Variants in PTPRK observed in about 807,000 individuals in gnomAD.
PTPRK encodes receptor-type tyrosine-protein phosphatase kappa.
A neutral mutation model predicts 178.0 loss-of-function variants in PTPRK; 75 were observed. That is an observed-to-expected ratio of 0.42 (90% CI 0.35 to 0.51). The LOEUF (loss-of-function observed/expected upper bound fraction) is 0.51, where lower values mean the gene tolerates loss of function less well. Among genes scored for constraint, PTPRK ranks in the 20% least tolerant of loss-of-function variants. The pLI, the probability that PTPRK is intolerant of heterozygous loss-of-function variation, is 0.02. For missense variants in PTPRK, 1,441 were observed against 1,797.8 expected, an observed-to-expected ratio of 0.80 and a Z score of 3.59; for synonymous variants, 637 against 620.6, an observed-to-expected ratio of 1.03 and a Z score of -0.39.
At chr6:128,337,108 A>G (rs1831037200) in intron 2 of PTPRK, among the ~76,000 whole-genome samples, 1 of 152,108 alleles carries the variant, frequency 6.6e-6, no homozygotes, top group Non-Finnish European at 1.5e-5. Flanking sequence ...TTTCTCCCCT[A>G]AGAACCTTTA....
intron 1 of PTPRK, among the ~76,000 whole-genome samples, chr6:128,407,326 T>G (rs1189017666): frequency 6.6e-6 from 1 of 152,126 alleles, no homozygotes; most frequent in Non-Finnish European, 1.5e-5. Context: ...ACTTGAAATA[T>G]TCTGATCTCA....
chr6:128,040,482 C>G (rs935873018), intron 13 of PTPRK, among the ~76,000 whole-genome samples: 1 of 151,906 alleles, frequency 6.6e-6, no homozygotes, highest in Non-Finnish European at 1.5e-5. Context: ...TTTCCTCAAA[C>G]AAAGGGCAAG....
intron 2 of PTPRK, among the ~76,000 whole-genome samples, chr6:128,374,224 C>T (rs1426818883): frequency 6.6e-6 from 1 of 152,150 alleles, no homozygotes; most frequent in Non-Finnish European, 1.5e-5. Context: ...TTCTCTAAAT[C>T]TTTGAACTCT....
At chr6:128,397,175 T>A (rs1840425424) in intron 2 of PTPRK, among the ~76,000 whole-genome samples, 1 of 152,160 alleles carries the variant, frequency 6.6e-6, no homozygotes, top group Admixed American at 6.5e-5. Flanking sequence ...TAAAATTCTT[T>A]CCCTTCAGTC....
intron 2 of PTPRK, among the ~76,000 whole-genome samples, chr6:128,335,441 CAAAAAAAAA>C (rs10585655): frequency 6.4e-5 from 7 of 109,796 alleles, no homozygotes; most frequent in Admixed American, 9.3e-5. Context: ...GGAATGATAA[CAAAAAAAAA>C]AAAAAAAAAT....
chr6:128,118,073 A>AC (rs1290031756), intron 7 of PTPRK, among the ~76,000 whole-genome samples: 2 of 152,156 alleles, frequency 1.3e-5, no homozygotes, highest in Non-Finnish European at 2.9e-5. Flanking sequence ...AACACAAGAA[A>AC]CCCACTCATC....
At chr6:128,255,731 G>C (rs1333079183) in intron 3 of PTPRK, among the ~76,000 whole-genome samples, 1 of 152,216 alleles carries the variant, frequency 6.6e-6, no homozygotes, top group African/African-American at 2.4e-5. Context: ...ACAACACCTG[G>C]AAACTTCTTG....
intron 13 of PTPRK, among the ~76,000 whole-genome samples, chr6:128,016,548 T>G (rs968424261): frequency 6.6e-6 from 1 of 151,948 alleles, no homozygotes; most frequent in Admixed American, 6.6e-5. Flanking sequence ...ATATTCAGTA[T>G]GCCAAGGTGC....
At chr6:128,043,107 T>C (rs1285534471) in intron 13 of PTPRK, among the ~76,000 whole-genome samples, 1 of 152,080 alleles carries the variant, frequency 6.6e-6, no homozygotes, top group Non-Finnish European at 1.5e-5. Flanking sequence ...GCATCCTCAG[T>C]TTGATGCTAT....
At chr6:128,264,077 G>A (rs1818585928) in intron 3 of PTPRK, among the ~76,000 whole-genome samples, 1 of 152,102 alleles carries the variant, frequency 6.6e-6, no homozygotes, top group Non-Finnish European at 1.5e-5. Flanking sequence ...GTGGAGATTG[G>A]CAGCAAAGCT....
At chr6:128,232,480 G>T (rs757963342) in intron 5 of PTPRK, among the ~76,000 whole-genome samples, 2 of 152,150 alleles carry the variant, frequency 1.3e-5, no homozygotes, top group Non-Finnish European at 2.9e-5. Flanking sequence ...TGGACTAATT[G>T]TAATTTTACT....
chr6:128,157,273 A>G (rs959483967), intron 7 of PTPRK, among the ~76,000 whole-genome samples: 2 of 152,016 alleles, frequency 1.3e-5, no homozygotes, highest in African/African-American at 4.8e-5. Context: ...TCCTTTTAAT[A>G]CTTGCTTCTA....
chr6:128,188,905 C>G (rs1803232253), intron 6 of PTPRK, among the ~76,000 whole-genome samples: 1 of 152,134 alleles, frequency 6.6e-6, no homozygotes, highest in Admixed American at 6.5e-5. Flanking sequence ...CTTGTGATTG[C>G]AGTTAGGCCC....
chr6:128,319,065 GA>G (rs1268339774), intron 3 of PTPRK, among the ~76,000 whole-genome samples: 1 of 152,132 alleles, frequency 6.6e-6, no homozygotes, highest in African/African-American at 2.4e-5. Context: ...TCACTGTAAT[GA>G]TATGTCAAAA....
At chr6:128,404,362 C>T (rs551838213) in intron 1 of PTPRK, among the ~76,000 whole-genome samples, 10 of 152,338 alleles carry the variant, frequency 6.6e-5, no homozygotes, top group African/African-American at 2.2e-4. Context: ...GTGGGAAATA[C>T]CTCATGCCCT....
chr6:128,077,554 C>T (rs564595043), intron 11 of PTPRK, among the ~76,000 whole-genome samples: 1 of 150,048 alleles, frequency 6.7e-6, no homozygotes, highest in Non-Finnish European at 1.5e-5. Context: ...TACGTGCTCA[C>T]GAAGTCAAAT....
At chr6:128,477,001 C>T (rs74741845) in intron 1 of PTPRK, among the ~76,000 whole-genome samples, 2,496 of 151,798 alleles carry the variant, frequency 0.016, 28 homozygotes, top group Non-Finnish European at 0.027. Context: ...AATAAAGAGG[C>T]AATAAAAAGT....
intron 3 of PTPRK, among the ~76,000 whole-genome samples, chr6:128,279,724 TA>T (rs778623622): frequency 4.4e-4 from 67 of 152,316 alleles, no homozygotes; most frequent in Non-Finnish European, 8.4e-4. Context: ...TTATCTATTT[TA>T]ATTTTGACAA....
intron 1 of PTPRK, among the ~76,000 whole-genome samples, chr6:128,450,074 C>T (rs150242568): frequency 4.0e-5 from 6 of 149,572 alleles, no homozygotes; most frequent in Non-Finnish European, 5.9e-5. Context: ...GCTGAGATCA[C>T]GCCATTTCAC....
Sources: gnomAD v4.1 joint callset for allele counts (sites outside exome capture counted in the v4.1 genomes callset) on GRCh38, gnomAD v4.1.1 for gene constraint, MANE v1.5 for transcripts, NCBI Gene and HGNC (gene_info 2026-07-23, HGNC 2026-07-21) for gene names.